MVB12A: variants seen among roughly 807,000 people sequenced by gnomAD.
The protein encoded by MVB12A is CIN85/CD2AP family binding protein.
In MVB12A, 30 loss-of-function variants were observed where a neutral mutation model predicts 34.3. That is an observed-to-expected ratio of 0.88 (90% CI 0.65 to 1.19). The LOEUF (loss-of-function observed/expected upper bound fraction) is 1.19, where lower values mean the gene tolerates loss of function less well. Ranked by LOEUF, MVB12A falls within the 50% of genes most tolerant of loss-of-function variation. The pLI, the probability that MVB12A is intolerant of heterozygous loss-of-function variation, is 0.00. For missense variants in MVB12A, 355 were observed against 369.2 expected, an observed-to-expected ratio of 0.96 and a Z score of 0.31; for synonymous variants, 158 against 158.9, an observed-to-expected ratio of 0.99 and a Z score of 0.04.
Position 17,424,625 on chromosome 19 carries a change from T to C in MVB12A, c.707T>C (p.Phe236Ser). 3.1e-6 allele frequency: 5 copies of C among 1,612,398 alleles called. No homozygotes were observed. The highest frequency in any genetic ancestry group is 4.2e-6 in the Non-Finnish European group (5 of 1,179,400). Residue 236 changes from phenylalanine (F) to serine (S), a missense_variant, in exon 8 of 9, where the codon TTC becomes TCC. By Grantham distance (155) the Phe-to-Ser change is radical. Coordinates refer to ENST00000317040, the MANE Select transcript of MVB12A (RefSeq NM_138401.4). ...TGACCCACCTCTGCCCGCCAGGCCT[T>C]CTCTGCTTTTGGGGACCTGACCATC... Reference protein sequence around the residue: ...FEGKSCSPLAFSAFGDLTIKS... With the variant: ...FEGKSCSPLASSAFGDLTIKS...
chr19:17,414,825 T>G (rs906484228), intron 2 of MVB12A: 9 of 152,260 alleles, frequency 5.9e-5, no homozygotes, highest in African/African-American at 2.2e-4. Flanking sequence ...GCTGAGATCA[T>G]GCCACTGCAC....
chr19:17,420,698 G>A (rs2074833235), intron 3 of MVB12A, 64 bp downstream of exon 3: 11 of 1,189,840 alleles, frequency 9.2e-6, no homozygotes, highest in South Asian at 7.5e-5. Context: ...GGGGAGGAGG[G>A]ACGACGGGCG....
rs1460598001 is a variant in MVB12A at position 17,425,095 on chromosome 19, C to T, written c.*102C>T. The T allele has an allele frequency of 1.6e-6, 1 of 615,620 alleles. No individual in the cohort carries two copies. Among genetic ancestry groups the T allele is most frequent in the Non-Finnish European group, 2.8e-6 (1 of 355,434 alleles). 38.1% of individuals were successfully genotyped at this position (615,620 alleles called of 1,614,324 possible). A position where few individuals can be genotyped will look rare whatever the true frequency, so the allele number is the denominator to read the frequency against. On this transcript the variant is annotated 3_prime_UTR_variant, in exon 9 of 9. Transcript: ENST00000317040. ...CTGGGGCCACCCCCACTCACTGCATCCTGGGAACCTTCGCCCTGCAAGGCG... is the reference window on the plus strand; with the variant it reads ...CTGGGGCCACCCCCACTCACTGCATTCTGGGAACCTTCGCCCTGCAAGGCG...
chr19:17,422,562 C>G, intron 4 of MVB12A, 104 bp downstream of exon 4: 1 of 1,152,338 alleles, frequency 8.7e-7, no homozygotes, highest in Non-Finnish European at 1.2e-6. Flanking sequence ...GTTCCTTCTT[C>G]TACCTTCTGA....
intron 2 of MVB12A, 49 bp from the exon 3 acceptor site, chr19:17,420,489 G>A (rs780439934): frequency 1.3e-6 from 2 of 1,581,610 alleles, no homozygotes; most frequent in Non-Finnish European, 1.7e-6. Context: ...TGCCAGGTGC[G>A]CTGTCCCCGC....
At chr19:17,413,335 A>C (rs557863290) in intron 2 of MVB12A, 5 of 152,332 alleles carry the variant, frequency 3.3e-5, no homozygotes, top group African/African-American at 1.2e-4. Flanking sequence ...TCACCTCAAC[A>C]AAACATTTAA....
At chr19:17,424,127 G>A in intron 7 of MVB12A, 60 bp downstream of exon 7, 4 of 1,524,578 alleles carry the variant, frequency 2.6e-6, no homozygotes, top group Non-Finnish European at 2.7e-6. Context: ...TGGGTGCCAG[G>A]ACATCCCTGT....
intron 2 of MVB12A, 32 bp downstream of exon 2, chr19:17,420,443 G>A (rs895332272): frequency 1.2e-6 from 2 of 1,608,124 alleles, no homozygotes; most frequent in African/African-American, 2.7e-5. Flanking sequence ...AACCACCAGG[G>A]TCTGCCCACC....
At chr19:17,422,606 T>C in intron 4 of MVB12A, 148 bp downstream of exon 4, 1 of 700,150 alleles carries the variant, frequency 1.4e-6, no homozygotes, top group South Asian at 2.9e-5. Flanking sequence ...CCGGGACATA[T>C]ATATCATCTT....
At chr19:17,408,193 C>G (rs1216431273) in intron 2 of MVB12A, among the ~76,000 whole-genome samples, 1 of 151,898 alleles carries the variant, frequency 6.6e-6, no homozygotes. Context: ...TATACTGGAA[C>G]AGCTCGTGTC....
At chr19:17,416,717 CTT>C (rs368707654), upstream of MVB12A, among the ~76,000 whole-genome samples, 2 of 140,504 alleles carry the variant, frequency 1.4e-5, no homozygotes, top group Admixed American at 7.2e-5. Flanking sequence ...CTCAACCACC[CTT>C]TTTTTTTTTT....
At chr19:17,413,294 G>T (rs931659585) in intron 2 of MVB12A, 1 of 152,262 alleles carries the variant, frequency 6.6e-6, no homozygotes, top group Non-Finnish European at 1.5e-5. Flanking sequence ...CAAGACTAGT[G>T]TGAGCAACAA....
intron 4 of MVB12A, among the ~76,000 whole-genome samples, chr19:17,423,204 A>T (rs1426972285): frequency 2.0e-5 from 3 of 150,304 alleles, no homozygotes; most frequent in Admixed American, 6.6e-5. Context: ...AAAAAAAAAA[A>T]AAAAAAAAAA....
rs369154468 is a variant in MVB12A, at chr19:17,420,296, C to G, written c.91-17C>G. 6 of 1,579,740 alleles carry G rather than the reference C, an allele frequency of 3.8e-6. No individual in the cohort carries two copies. Among genetic ancestry groups the G allele is most frequent in the Non-Finnish European group, 5.2e-6 (6 of 1,162,454 alleles). ...TGTGGGGTGGGAGTCCGGCGCTGAC[C>G]CGCGTCCTCCCGGTAGATCTCCTGC... is the stretch of plus-strand genomic sequence containing the variant. On this transcript the variant is annotated splice_polypyrimidine_tract_variant and intron_variant, in intron 1 of 8. Transcript: ENST00000317040.
At chr19:17,418,970 G>A (rs907761531), upstream of MVB12A, 7 of 148,300 alleles carry the variant, frequency 4.7e-5, no homozygotes, top group African/African-American at 7.4e-5. Context: ...CCCCTGACCA[G>A]ATACCAGAGG....
At chr19:17,422,832 C>A (rs375831876) in intron 4 of MVB12A, 47 of 153,770 alleles carry the variant, frequency 3.1e-4, no homozygotes, top group African/African-American at 1.1e-3. Context: ...CGCCTGTAGT[C>A]CCAGCTACTT....
chr19:17,412,665 T>C (rs1387559924), intron 2 of MVB12A, among the ~76,000 whole-genome samples: 9 of 152,148 alleles, frequency 5.9e-5, no homozygotes, highest in Admixed American at 5.2e-4. Context: ...CTCCATCAAC[T>C]CAGAGAAAAC....
intron 3 of MVB12A, chr19:17,421,008 T>G (rs1403462024): frequency 4.2e-6 from 2 of 479,968 alleles, no homozygotes; most frequent in African/African-American, 2.0e-5. Flanking sequence ...TTCTCTCCTT[T>G]TTGTAGCTCA....
intron 2 of MVB12A, among the ~76,000 whole-genome samples, chr19:17,410,529 T>TATATATATATATATACAC: frequency 5.4e-5 from 4 of 74,444 alleles, no homozygotes; most frequent in South Asian, 5.5e-4. Context: ...TATATATATA[T>TATATATATATATATACAC]ACACACACAC....
Sources: allele counts gnomAD v4.1 joint callset (sites outside exome capture counted in the v4.1 genomes callset), GRCh38; gene constraint gnomAD v4.1.1; transcripts MANE v1.5; gene names NCBI Gene and HGNC (gene_info 2026-07-23, HGNC 2026-07-21).